Variants in KIF26B observed in about 807,000 individuals in gnomAD.
KIF26B encodes the protein kinesin family member 26B, also known as kinesin-like protein KIF26B.
A neutral mutation model predicts 151.2 loss-of-function variants in KIF26B; 63 were observed. The ratio of observed to expected loss-of-function variants is 0.42; its 90% CI spans 0.34 to 0.51. KIF26B has a LOEUF of 0.51. Ranked by LOEUF, KIF26B falls within the 20% of genes least tolerant of loss-of-function variation. KIF26B has a pLI of 0.07. For synonymous variants in KIF26B, 1,357 were observed against 1,262.1 expected, an observed-to-expected ratio of 1.08 and a Z score of -1.59; for missense variants, 2,813 against 2,913.6, an observed-to-expected ratio of 0.97 and a Z score of 0.79.
At chr1:245,527,658 C>T (rs911107127) in intron 4 of KIF26B, among the ~76,000 whole-genome samples, 3 of 150,092 alleles carry the variant, frequency 2.0e-5, no homozygotes, top group African/African-American at 7.4e-5. Flanking sequence ...CTCAGCCTCC[C>T]GAGTAGCTGG....
chr1:245,406,334 G>A (rs1674134676), intron 3 of KIF26B, among the ~76,000 whole-genome samples: 1 of 152,180 alleles, frequency 6.6e-6, no homozygotes, highest in Non-Finnish European at 1.5e-5. Flanking sequence ...TAGGCACTAG[G>A]ATTACAGTGA....
At chr1:245,600,545 G>A (rs1366455437) in intron 5 of KIF26B, among the ~76,000 whole-genome samples, 2 of 151,764 alleles carry the variant, frequency 1.3e-5, no homozygotes, top group Non-Finnish European at 2.9e-5. Flanking sequence ...TCACCATGTT[G>A]CCCAGGCTTG....
At chr1:245,342,643 A>T (rs1172373528) in intron 2 of KIF26B, among the ~76,000 whole-genome samples, 1 of 152,148 alleles carries the variant, frequency 6.6e-6, no homozygotes, top group Admixed American at 6.5e-5. Flanking sequence ...TGAGCAATCC[A>T]GTCTGGTTTA....
chr1:245,382,435 G>A (rs1673432472), intron 3 of KIF26B, among the ~76,000 whole-genome samples: 1 of 152,072 alleles, frequency 6.6e-6, no homozygotes, highest in African/African-American at 2.4e-5. Flanking sequence ...CTATCCCCTA[G>A]TATAGCATCT....
At position 245,688,430 on chromosome 1, in the gene KIF26B, C is replaced by T; in HGVS notation, c.5447C>T (p.Ala1816Val). ...GRISELLQGG[A>V]GARGLQLRAG... Reference sequence around the variant, plus strand: ...ATCTCGGAGCTGCTGCAGGGTGGCGCGGGCGCCCGGGGCTTGCAGCTGCGG... The same window carrying T: ...ATCTCGGAGCTGCTGCAGGGTGGCGTGGGCGCCCGGGGCTTGCAGCTGCGG... Residue 1816 changes from alanine (A) to valine (V), a missense_variant, in exon 12 of 15, where the codon GCG (alanine) becomes GTG (valine). Transcript: ENST00000407071. 6 of 1,409,826 alleles carry T rather than the reference C, an allele frequency of 4.3e-6. No individual in the cohort carries two copies. Among genetic ancestry groups the T allele is most frequent in the Non-Finnish European group, 4.6e-6 (5 of 1,088,210 alleles). The allele number at this position is 1,409,826 out of a possible 1,614,324, so 87.3% of individuals were successfully genotyped here. A position where few individuals can be genotyped will look rare whatever the true frequency, so the allele number is the denominator to read the frequency against.
intron 4 of KIF26B, among the ~76,000 whole-genome samples, chr1:245,478,917 T>C (rs1538471): frequency 0.48 from 72,607 of 151,492 alleles, 18,548 homozygotes; most frequent in Non-Finnish European, 0.54. Flanking sequence ...AATTCTTGAT[T>C]ACTGTGAGAG....
chr1:245,684,790 T>C (rs1439111358), intron 11 of KIF26B, among the ~76,000 whole-genome samples: 1 of 151,742 alleles, frequency 6.6e-6, no homozygotes, highest in Non-Finnish European at 1.5e-5. Flanking sequence ...ACCAAAGAGG[T>C]TCTCAACTCC....
At chr1:245,546,276 G>T (rs1260686077) in intron 5 of KIF26B, among the ~76,000 whole-genome samples, 1 of 152,106 alleles carries the variant, frequency 6.6e-6, no homozygotes, top group Non-Finnish European at 1.5e-5. Context: ...GAGTGCAATG[G>T]CACGATCTTG....
chr1:245,281,939 G>C (rs1214548241), intron 2 of KIF26B, among the ~76,000 whole-genome samples: 1 of 151,540 alleles, frequency 6.6e-6, no homozygotes, highest in Non-Finnish European at 1.5e-5. Context: ...ATTTCTGAGG[G>C]CTCTGTTCTG....
chr1:245,321,393 C>G (rs1368396345), intron 2 of KIF26B, among the ~76,000 whole-genome samples: 2 of 152,178 alleles, frequency 1.3e-5, no homozygotes, highest in African/African-American at 4.8e-5. Flanking sequence ...CTTTTTGTCA[C>G]CCTCTCCTAG....
chr1:245,380,643 C>T (rs1032823382), intron 3 of KIF26B, among the ~76,000 whole-genome samples: 5 of 152,118 alleles, frequency 3.3e-5, no homozygotes, highest in Admixed American at 6.5e-5. Context: ...GAAGTGACAG[C>T]GATGGGAGTC....
chr1:245,357,575 T>C (rs532980303), intron 2 of KIF26B, among the ~76,000 whole-genome samples: 1 of 152,196 alleles, frequency 6.6e-6, no homozygotes, highest in African/African-American at 2.4e-5. Context: ...AGCGTACACT[T>C]TGATATTTTT....
Position 245,602,540 on chromosome 1 carries a change from G to A in KIF26B, c.1351-37G>A, listed in dbSNP as rs1203660501. On this transcript the variant is annotated intron_variant, in intron 5 of 14. Transcript: ENST00000407071. The surrounding 1 kb of genome is among the most constrained non-coding windows in gnomAD (Gnocchi z 4.5). Reference sequence around the variant, plus strand: ...GTGCTCCATCGTAAAACACCCAGCTGTCTTCATCCATGCTGTCGCCCATCT... The same window carrying A: ...GTGCTCCATCGTAAAACACCCAGCTATCTTCATCCATGCTGTCGCCCATCT... The A allele has an allele frequency of 6.5e-7, 1 of 1,546,196 alleles. No homozygotes were observed. Among genetic ancestry groups the A allele is most frequent in the African/African-American group, 1.4e-5 (1 of 73,548 alleles).
intron 3 of KIF26B, among the ~76,000 whole-genome samples, chr1:245,413,469 T>G (rs1674335991): frequency 6.6e-6 from 1 of 152,114 alleles, no homozygotes; most frequent in Non-Finnish European, 1.5e-5. Flanking sequence ...GAGACCAGCC[T>G]AGTCAATATG....
At chr1:245,641,421 C>A (rs560291444) in intron 9 of KIF26B, among the ~76,000 whole-genome samples, 1 of 152,258 alleles carries the variant, frequency 6.6e-6, no homozygotes, top group East Asian at 1.9e-4. Flanking sequence ...AATAAGCTTG[C>A]AACTTCTTGT....
chr1:245,439,506 CT>C lies in KIF26B; in HGVS notation c.1166+19762del, dbSNP rs200117760. ...GGAAAAGTGTTAATAATAGGAACCC[CT>C]ATGAAATGTATTGGATTGGCCTCAT... On this transcript the variant is annotated intron_variant, in intron 4 of 14. Transcript: ENST00000407071. 8.1e-3 allele frequency among the ~76,000 whole-genome samples: 1,237 copies of C among 152,216 alleles called. 7 individuals are homozygous for C. The highest frequency in any genetic ancestry group is 0.014 in the Non-Finnish European group (931 of 68,006).
chr1:245,173,843 C>G (rs1483236167), intron 2 of KIF26B, among the ~76,000 whole-genome samples: 1 of 152,254 alleles, frequency 6.6e-6, no homozygotes, highest in Non-Finnish European at 1.5e-5. Flanking sequence ...TAGCTCCTCC[C>G]TCTGCATTTG....
chr1:245,455,532 C>A (rs749467163), intron 4 of KIF26B, among the ~76,000 whole-genome samples: 1 of 152,050 alleles, frequency 6.6e-6, no homozygotes, highest in Non-Finnish European at 1.5e-5. Flanking sequence ...CAAAAAACAA[C>A]ACACAAAAAA....
chr1:245,359,888 T>C (rs1228862297), intron 2 of KIF26B, among the ~76,000 whole-genome samples: 1 of 150,778 alleles, frequency 6.6e-6, no homozygotes, highest in Non-Finnish European at 1.5e-5. Context: ...TTTTTTTTTT[T>C]CTGAGACAGG....
Sources: allele counts gnomAD v4.1 joint callset (sites outside exome capture counted in the v4.1 genomes callset), GRCh38; gene constraint gnomAD v4.1.1; non-coding constraint Gnocchi (gnomAD v3.1); transcripts MANE v1.5; gene names NCBI Gene and HGNC (gene_info 2026-07-23, HGNC 2026-07-21).